Variants in GPD2 observed in about 807,000 individuals in gnomAD.
The protein encoded by GPD2 is glycerol-3-phosphate dehydrogenase, mitochondrial.
GPD2 carries 54 observed loss-of-function variants against 82.4 expected under a neutral mutation model. The ratio of observed to expected loss-of-function variants is 0.66; its 90% CI spans 0.53 to 0.82. The LOEUF is 0.82. Among genes scored for constraint, GPD2 ranks in the 40% least tolerant of loss-of-function variants. The probability of loss-of-function intolerance (pLI) is 0.00; values close to 1 mark genes in which losing one functional copy is unlikely to be tolerated. For synonymous variants in GPD2, 288 were observed against 306.1 expected, an observed-to-expected ratio of 0.94 and a Z score of 0.62; for missense variants, 748 against 896.2, an observed-to-expected ratio of 0.83 and a Z score of 2.11.
At position 156,478,176 on chromosome 2, in the gene GPD2, T is replaced by G. The variant is rs554507492; in HGVS notation, c.102+1969T>G. On this transcript the variant is annotated intron_variant, in intron 2 of 16. Coordinates refer to ENST00000438166, the MANE Select transcript of GPD2 (RefSeq NM_000408.5). ...GAGACTCTGGCCCCAAGCAGTCAAGTTATAGGTGGATTTTATTCAGTAAAA... is the reference window on the plus strand; with the variant it reads ...GAGACTCTGGCCCCAAGCAGTCAAGGTATAGGTGGATTTTATTCAGTAAAA... 4.3e-4 allele frequency among the ~76,000 whole-genome samples: 65 copies of G among 152,260 alleles called. 1 individual carries two copies. Among genetic ancestry groups the G allele is most frequent in the African/African-American group, 1.5e-3 (64 of 41,538 alleles).
chr2:156,507,857 T>G (rs1199764740), intron 3 of GPD2, among the ~76,000 whole-genome samples: 1 of 152,188 alleles, frequency 6.6e-6, no homozygotes, highest in Non-Finnish European at 1.5e-5. Context: ...AGCCCCTGGA[T>G]AAGCTAGGCC....
chr2:156,400,836 C>T, the GPD2 span, among the ~76,000 whole-genome samples: 32 of 152,312 alleles, frequency 2.1e-4, no homozygotes, highest in Admixed American at 1.6e-3. Flanking sequence ...TCCCCGGCAT[C>T]TCCAAATCAG....
chr2:156,571,152 G>A lies in GPD2; in HGVS notation c.1627G>A (p.Glu543Lys). ...AACTCAGGTGAAATATGGGATTAAG[G>A]AGTATGCCTGCACTGCTGTGGATAT... The part of the protein sequence containing the change: ...IEAEVKYGIK[E>K]YACTAVDMIS... Residue 543 changes from glutamate to lysine, a missense_variant, in exon 13 of 17, where the codon GAG (glutamate) becomes AAG (lysine). Glu to Lys is a moderately conservative substitution (Grantham distance 56, BLOSUM62 1). This residue lies in a region of GPD2 where 692 missense variants were observed against 809.7 expected (regional missense o/e 0.85). Transcript: ENST00000438166. The A allele has an allele frequency of 6.2e-7, 1 of 1,607,794 alleles. No individual in the cohort carries two copies. Among genetic ancestry groups the A allele is most frequent in the Non-Finnish European group, 8.5e-7 (1 of 1,174,270 alleles).
intron 1 of GPD2, among the ~76,000 whole-genome samples, chr2:156,472,897 T>A (rs1683381584): frequency 6.6e-6 from 1 of 152,120 alleles, no homozygotes; most frequent in Non-Finnish European, 1.5e-5. Flanking sequence ...TTTGGGGAAA[T>A]CCCCCATTTC....
chr2:156,492,842 C>T (rs768355196), intron 2 of GPD2, among the ~76,000 whole-genome samples: 11 of 152,124 alleles, frequency 7.2e-5, no homozygotes, highest in Non-Finnish European at 1.3e-4. Flanking sequence ...CCAGCAACTA[C>T]ATTTATAATG....
chr2:156,469,441 A>G (rs1683252089), intron 1 of GPD2, among the ~76,000 whole-genome samples: 1 of 152,214 alleles, frequency 6.6e-6, no homozygotes, highest in Non-Finnish European at 1.5e-5. Context: ...CTAGGATTAC[A>G]GGTGTGAGCC....
chr2:156,491,809 G>A (rs1684185216), intron 2 of GPD2, among the ~76,000 whole-genome samples: 1 of 152,008 alleles, frequency 6.6e-6, no homozygotes, highest in East Asian at 2.0e-4. Flanking sequence ...GATCACGAGG[G>A]CAGGAGTTCA....
intron 2 of GPD2, among the ~76,000 whole-genome samples, chr2:156,488,981 T>C (rs949712915): frequency 4.6e-5 from 7 of 152,332 alleles, no homozygotes; most frequent in African/African-American, 1.4e-4. Context: ...GTTGGAATTA[T>C]GCTAGGAAAA....
At chr2:156,439,943 C>T (rs542283954) in intron 1 of GPD2, among the ~76,000 whole-genome samples, 156 of 151,942 alleles carry the variant, frequency 1.0e-3, no homozygotes, top group Non-Finnish European at 2.0e-3. Context: ...ATATTTTTTA[C>T]CTGGAGTATA....
At chr2:156,483,695 G>A (rs1683820889) in intron 2 of GPD2, among the ~76,000 whole-genome samples, 2 of 152,076 alleles carry the variant, frequency 1.3e-5, no homozygotes, top group African/African-American at 4.8e-5. Flanking sequence ...ATGTCAGTTA[G>A]GAAACAATTT....
At chr2:156,579,318 C>CT (rs929346474) in intron 15 of GPD2, among the ~76,000 whole-genome samples, 154 bp downstream of exon 15, 32 of 146,208 alleles carry the variant, frequency 2.2e-4, no homozygotes, top group Non-Finnish European at 4.2e-4. Context: ...AATTTTTTTT[C>CT]TTTTTTCTTT....
At chr2:156,538,444 CA>C (rs1686164613) in intron 6 of GPD2, among the ~76,000 whole-genome samples, 1 of 149,746 alleles carries the variant, frequency 6.7e-6, no homozygotes, top group African/African-American at 2.5e-5. Context: ...AGAAGTGAAA[CA>C]TTCATGTAAA....
chr2:156,443,715 A>C (rs1682259365), intron 1 of GPD2, among the ~76,000 whole-genome samples: 1 of 152,162 alleles, frequency 6.6e-6, no homozygotes, highest in South Asian at 2.1e-4. Flanking sequence ...TCAGTGGAGG[A>C]ATCTACAAAT....
At chr2:156,448,089 C>G (rs1682430326) in intron 1 of GPD2, among the ~76,000 whole-genome samples, 1 of 151,852 alleles carries the variant, frequency 6.6e-6, no homozygotes, top group African/African-American at 2.4e-5. Flanking sequence ...TTAGGTCTAT[C>G]AATCACCTAA....
At chr2:156,523,306 G>A (rs1466268437) in intron 6 of GPD2, among the ~76,000 whole-genome samples, 1 of 152,016 alleles carries the variant, frequency 6.6e-6, no homozygotes, top group African/African-American at 2.4e-5. Context: ...CCAGAGTTGT[G>A]CCTTTCCCAG....
chr2:156,542,726 G>C (rs1335091701), intron 6 of GPD2, among the ~76,000 whole-genome samples: 1 of 152,056 alleles, frequency 6.6e-6, no homozygotes, highest in Admixed American at 6.6e-5. Flanking sequence ...TGGTCTTTCT[G>C]TTAGAACTTA....
intron 1 of GPD2, among the ~76,000 whole-genome samples, chr2:156,466,739 G>T (rs1683161654): frequency 6.6e-6 from 1 of 152,206 alleles, no homozygotes; most frequent in African/African-American, 2.4e-5. Context: ...GAAATCCCAT[G>T]TAATAATGTT....
upstream of GPD2, among the ~76,000 whole-genome samples, chr2:156,432,666 T>C (rs1369299644): frequency 6.6e-6 from 1 of 152,258 alleles, no homozygotes; most frequent in African/African-American, 2.4e-5. Flanking sequence ...AAATAACTTA[T>C]GCTCTAATTG....
chr2:156,451,772 G>T (rs1167684910), intron 1 of GPD2, among the ~76,000 whole-genome samples: 3 of 151,738 alleles, frequency 2.0e-5, no homozygotes, highest in Non-Finnish European at 4.4e-5. Flanking sequence ...TCCCAGACAG[G>T]GTGGCTGCCG....
Sources: allele counts gnomAD v4.1 joint callset (sites outside exome capture counted in the v4.1 genomes callset), GRCh38; gene constraint gnomAD v4.1.1; regional missense constraint gnomAD v4.1.1; transcripts MANE v1.5; gene names NCBI Gene and HGNC (gene_info 2026-07-23, HGNC 2026-07-21).